TDRD3: variants seen among roughly 807,000 people sequenced by gnomAD.
TDRD3 encodes the protein tudor domain-containing protein 3.
In TDRD3, 45 loss-of-function variants were observed where a neutral mutation model predicts 86.7. The ratio of observed to expected loss-of-function variants is 0.52; its 90% CI spans 0.41 to 0.67. TDRD3 has a LOEUF of 0.67. TDRD3 is among the 30% of genes least tolerant of loss of function. The pLI is 0.00. For synonymous variants in TDRD3, 298 were observed against 301.7 expected (o/e 0.99, Z 0.13); for missense variants, 814 against 889.0 (o/e 0.92, Z 1.07).
At chr13:60,505,418 C>G (rs1281399507) in intron 8 of TDRD3, among the ~76,000 whole-genome samples, 1 of 152,152 alleles carries the variant, frequency 6.6e-6, no homozygotes, top group Non-Finnish European at 1.5e-5. Context: ...GGGCATTTGT[C>G]AAAGAAAGGC....
chr13:60,424,061 G>A (rs1054567304), intron 1 of TDRD3, among the ~76,000 whole-genome samples: 2 of 151,846 alleles, frequency 1.3e-5, no homozygotes, highest in Non-Finnish European at 2.9e-5. Flanking sequence ...TTACTCTGTC[G>A]CCCAGGCTGG....
rs111457466 is a variant in TDRD3 at position 60,519,595 on chromosome 13, T to C, written c.1142-8772T>C. 8.4e-3 allele frequency among the ~76,000 whole-genome samples: 1,272 copies of C among 152,294 alleles called. 8 individuals are homozygous for C. Among genetic ancestry groups the C allele is most frequent in the Middle Eastern group, 0.024 (7 of 294 alleles). ...TATAGTAATCCTAACCTGAGTTTCA[T>C]GATGAAATACTGAAAATAACTCATG... On this transcript the variant is annotated intron_variant, in intron 10 of 13. Coordinates refer to ENST00000377881, the MANE Select transcript of TDRD3 (RefSeq NM_001146070.2).
intron 1 of TDRD3, among the ~76,000 whole-genome samples, chr13:60,433,330 A>C (rs765772369): frequency 6.6e-6 from 1 of 152,206 alleles, no homozygotes; most frequent in Non-Finnish European, 1.5e-5. Context: ...CAAAGTCTGA[A>C]GTAAGCATGG....
At chr13:60,488,822 G>A (rs1035188976) in intron 7 of TDRD3, among the ~76,000 whole-genome samples, 4 of 152,016 alleles carry the variant, frequency 2.6e-5, no homozygotes, top group Admixed American at 6.6e-5. Flanking sequence ...CAGGTGATCC[G>A]CTCACTTTGG....
At chr13:60,526,220 T>C (rs929552107) in intron 10 of TDRD3, among the ~76,000 whole-genome samples, 7 of 152,210 alleles carry the variant, frequency 4.6e-5, no homozygotes, top group African/African-American at 1.7e-4. Flanking sequence ...CAAATATTTA[T>C]TCAATGTACT....
rs149912743 is a variant in TDRD3 at position 60,529,140 on chromosome 13, T to A, written c.1915T>A (p.Ser639Thr). The A allele has an allele frequency of 2.1e-5, 34 of 1,613,816 alleles. No homozygotes were observed. In the African/African-American group the frequency reaches 4.4e-4, roughly 21 times the overall value. ...GPIKPEKILE[S>T]SIPMEYAKMW... ...AATTAAGCCAGAAAAAATACTAGAA[T>A]CATCTATTCCTATGGAGTATGCAAA... Residue 639 changes from serine (S) to threonine (T), a missense_variant, in exon 11 of 14, where the codon TCA becomes ACA. By Grantham distance (58) the Ser-to-Thr change is moderately conservative. Coordinates refer to ENST00000377881, the MANE Select transcript of TDRD3 (RefSeq NM_001146070.2).
chr13:60,401,855 C>T (rs1699322375), intron 1 of TDRD3, among the ~76,000 whole-genome samples: 1 of 152,200 alleles, frequency 6.6e-6, no homozygotes, highest in Admixed American at 6.5e-5. Flanking sequence ...CTTCATTTCA[C>T]CTTTGAACAA....
chr13:60,476,946 C>T (rs1048690730), intron 5 of TDRD3, among the ~76,000 whole-genome samples: 1 of 151,702 alleles, frequency 6.6e-6, no homozygotes, highest in Admixed American at 6.6e-5. Flanking sequence ...CTCTAGAAGC[C>T]TTCTGGTGGA....
intron 7 of TDRD3, among the ~76,000 whole-genome samples, chr13:60,489,019 T>A (rs1199533434): frequency 6.6e-6 from 1 of 152,200 alleles, no homozygotes; most frequent in Admixed American, 6.5e-5. Context: ...CTTCACTCTG[T>A]TGATTGAATT....
intron 12 of TDRD3, among the ~76,000 whole-genome samples, chr13:60,560,125 T>C (rs540890950): frequency 1.2e-4 from 18 of 152,242 alleles, no homozygotes; most frequent in Admixed American, 1.1e-3. Context: ...AATGGAAATA[T>C]ATACCGTATG....
At chr13:60,395,605 G>A (rs1435462973), upstream of TDRD3, among the ~76,000 whole-genome samples, 1 of 152,166 alleles carries the variant, frequency 6.6e-6, no homozygotes, top group Non-Finnish European at 1.5e-5. Flanking sequence ...GAGAACAAAT[G>A]ACTTTATAAC....
rs1484346248 is a variant in TDRD3, at chr13:60,472,553, G to T, written c.495+5174G>T. Among the ~76,000 whole-genome samples the T allele has an allele frequency of 8.5e-5, 13 of 152,178 alleles. 1 individual carries two copies. Among genetic ancestry groups the T allele is most frequent in the Non-Finnish European group, 1.9e-4 (13 of 68,028 alleles). ...TGTGGAAAAATTGGAACTAAGCCTT[G>T]TGAACTCCTGGTGGGAATATAAAAT... On this transcript the variant is annotated intron_variant, in intron 5 of 13. Coordinates refer to ENST00000377881, the MANE Select transcript of TDRD3 (RefSeq NM_001146070.2).
At chr13:60,565,918 A>G (rs1347387264) in intron 12 of TDRD3, among the ~76,000 whole-genome samples, 1 of 152,204 alleles carries the variant, frequency 6.6e-6, no homozygotes, top group Non-Finnish European at 1.5e-5. Flanking sequence ...TTACAGATAT[A>G]ATATCTGATA....
chr13:60,543,793 G>T (rs1416900296), intron 12 of TDRD3, among the ~76,000 whole-genome samples: 4 of 151,898 alleles, frequency 2.6e-5, no homozygotes, highest in Admixed American at 2.6e-4. Context: ...TTAAGTACTT[G>T]TGTCATTAGT....
chr13:60,406,174 G>A (rs1431315536), intron 1 of TDRD3, among the ~76,000 whole-genome samples: 2 of 152,210 alleles, frequency 1.3e-5, no homozygotes, highest in East Asian at 3.9e-4. Context: ...GAGAAGACTG[G>A]GCTAGAGATA....
intron 8 of TDRD3, among the ~76,000 whole-genome samples, chr13:60,496,264 G>A (rs1486018100): frequency 7.6e-6 from 1 of 132,000 alleles, no homozygotes; most frequent in African/African-American, 2.9e-5. Flanking sequence ...GTGGGACCTT[G>A]TGAGTTAATA....
intron 1 of TDRD3, among the ~76,000 whole-genome samples, chr13:60,407,177 A>G (rs1954255493): frequency 6.6e-6 from 1 of 152,212 alleles, no homozygotes; most frequent in South Asian, 2.1e-4. Flanking sequence ...TGATAGTTTG[A>G]TTGATGCCTT....
At chr13:60,525,519 C>G (rs558071823) in intron 10 of TDRD3, among the ~76,000 whole-genome samples, 2 of 152,150 alleles carry the variant, frequency 1.3e-5, no homozygotes, top group South Asian at 4.2e-4. Context: ...AAATTTTACT[C>G]TCACTATATT....
intron 10 of TDRD3, among the ~76,000 whole-genome samples, chr13:60,525,086 CA>C (rs372010456): frequency 0.021 from 830 of 39,744 alleles, 3 homozygotes; most frequent in Admixed American, 0.045. Flanking sequence ...AATTTTCTCT[CA>C]AAAAAAAAAA....
Sources: gnomAD v4.1 joint callset for allele counts (sites outside exome capture counted in the v4.1 genomes callset) on GRCh38, gnomAD v4.1.1 for gene constraint, MANE v1.5 for transcripts, NCBI Gene and HGNC (gene_info 2026-07-23, HGNC 2026-07-21) for gene names.